The following PPRC1 variants were observed in gnomAD, a reference collection of about 807,000 sequenced individuals.
PPRC1 encodes the protein peroxisome proliferator-activated receptor gamma coactivator-related protein 1.
In PPRC1, 23 loss-of-function variants were observed where a neutral mutation model predicts 132.5. The observed-to-expected ratio is 0.17, with a 90% CI of 0.12 to 0.25. The LOEUF (loss-of-function observed/expected upper bound fraction) is 0.25, where lower values mean the gene tolerates loss of function less well. Ranked by LOEUF, PPRC1 falls within the 10% of genes least tolerant of loss-of-function variation. The probability of loss-of-function intolerance (pLI) is 1.00; values close to 1 mark genes in which losing one functional copy is unlikely to be tolerated. For synonymous variants in PPRC1, 872 were observed against 833.5 expected (o/e 1.05, Z -0.80); for missense variants, 2,006 against 2,089.1 (o/e 0.96, Z 0.78).
intron 6 of PPRC1, 101 bp from the exon 7 acceptor site, chr10:102,144,149 C>T: frequency 8.8e-7 from 1 of 1,130,224 alleles, no homozygotes; most frequent in East Asian, 2.3e-5. Context: ...AATATGTAGG[C>T]AAAGTGGATT....
At position 102,148,772 on chromosome 10, in the gene PPRC1, G is replaced by A. The variant is rs1226178907; in HGVS notation, c.4618-45G>A. ...GCTCAGAGAGCTGCCTGCAGCTGTA[G>A]CCCTGGCTAATGGTGTGTTGATTTT... On this transcript the variant is annotated intron_variant, in intron 11 of 13. Coordinates refer to ENST00000278070, the MANE Select transcript of PPRC1 (RefSeq NM_015062.5). This position sits in a 1 kb window ranked among gnomAD's most constrained non-coding sequence, Gnocchi z 4.2. The A allele has an allele frequency of 1.2e-5, 20 of 1,614,194 alleles. No homozygotes were observed. Among genetic ancestry groups the A allele is most frequent in the Non-Finnish European group, 1.7e-5 (20 of 1,180,022 alleles).
Position 102,140,191 on chromosome 10 carries a change from G to A in PPRC1, c.1683G>A (p.Leu561=). ...KEGPLDLYPK[L]ADTIQTNPIP... is the part of the protein sequence containing the mutation. ...GCCCTCTAGACCTCTACCCAAAGCT[G>A]GCTGACACTATCCAAACCAATCCTA... Residue 561 remains leucine, a synonymous_variant, in exon 5 of 14, where the codon CTG becomes CTA. Transcript: ENST00000278070. The A allele has an allele frequency of 1.2e-6, 2 of 1,614,202 alleles. No homozygotes were observed. The highest frequency in any genetic ancestry group is 1.7e-6 in the Non-Finnish European group (2 of 1,180,040).
At chr10:102,128,623 CT>C (rs1236327373), upstream of PPRC1, among the ~76,000 whole-genome samples, 19 of 130,828 alleles carry the variant, frequency 1.5e-4, no homozygotes, top group Non-Finnish European at 1.0e-4. Context: ...TTTTTTTTTT[CT>C]TTTTTTTTTT....
chr10:102,120,654 G>A, the PPRC1 span, among the ~76,000 whole-genome samples: 13 of 152,292 alleles, frequency 8.5e-5, no homozygotes, highest in Admixed American at 6.5e-5. Flanking sequence ...GGAACGGCAT[G>A]CATGTGACGC....
At chr10:102,125,500 C>T in the PPRC1 span, among the ~76,000 whole-genome samples, 8 of 151,992 alleles carry the variant, frequency 5.3e-5, no homozygotes, top group Admixed American at 4.6e-4. Context: ...CCTCATGATC[C>T]GCCTGCCTCA....
At position 102,139,371 on chromosome 10, in the gene PPRC1, C is replaced by T. The variant is rs749253343; in HGVS notation, c.863C>T (p.Thr288Ile). The T allele has an allele frequency of 2.5e-6, 4 of 1,614,232 alleles. No homozygotes were observed. The change falls in exon 5 of 14, where the codon ACA (threonine) becomes ATA (isoleucine). Residue 288 changes from threonine to isoleucine, a missense_variant. By Grantham distance (89) the Thr-to-Ile change is moderately conservative. Coordinates refer to ENST00000278070, the MANE Select transcript of PPRC1 (RefSeq NM_015062.5). ...LACPEEEDKATAAEMAVPAAG... is the reference protein window; with the variant it reads ...LACPEEEDKAIAAEMAVPAAG... ...TGCCCTGAGGAGGAAGATAAAGCAA[C>T]AGCAGCAGAGATGGCAGTGCCAGCA... is the stretch of plus-strand genomic sequence containing the variant.
Position 102,146,777 on chromosome 10 carries a change from C to T in PPRC1, c.3785C>T (p.Thr1262Ile), listed in dbSNP as rs1436621207. Reference sequence around the variant, plus strand: ...CCTAAGTCCACCGCCCAGGAGGGAACCCTGAAGCCTGAAGGAGTTACGGAG... The same window carrying T: ...CCTAAGTCCACCGCCCAGGAGGGAATCCTGAAGCCTGAAGGAGTTACGGAG... ...KSPKSTAQEG[T>I]LKPEGVTEAK... Residue 1262 changes from threonine to isoleucine, a missense_variant, in exon 9 of 14, where the codon ACC becomes ATC. This residue lies in a region of PPRC1 where 1,914 missense variants were observed against 1,917.2 expected (regional missense o/e 1.00). Coordinates refer to ENST00000278070, the MANE Select transcript of PPRC1 (RefSeq NM_015062.5). 6.2e-7 allele frequency: 1 copy of T among 1,614,094 alleles called. No homozygotes were observed.
upstream of PPRC1, among the ~76,000 whole-genome samples, chr10:102,132,123 C>T (rs771769329): frequency 6.6e-6 from 1 of 152,150 alleles, no homozygotes; most frequent in East Asian, 1.9e-4. Flanking sequence ...TAGAAAAAAG[C>T]GTCAATGAAT....
chr10:102,146,751 T>G lies in PPRC1; in HGVS notation c.3759T>G (p.Ser1253=). Residue 1253 remains serine (S), a synonymous_variant, in exon 9 of 14, where the codon TCT becomes TCG. Coordinates refer to ENST00000278070, the MANE Select transcript of PPRC1 (RefSeq NM_015062.5). The stretch of plus-strand genomic sequence containing the variant: ...TCTCACTGCTGGCCAAAGCCAAATC[T>G]CCTAAGTCCACCGCCCAGGAGGGAA... The part of the protein sequence containing the change: ...AAVSLLAKAK[S]PKSTAQEGTL... The G allele has an allele frequency of 6.2e-7, 1 of 1,613,722 alleles. No homozygotes were observed. The highest frequency in any genetic ancestry group is 8.5e-7 in the Non-Finnish European group (1 of 1,179,866).
At position 102,137,899 on chromosome 10, in the gene PPRC1, G is replaced by A. The variant is rs371087197; in HGVS notation, c.203G>A (p.Arg68Gln). ...GATTCTGGCTTTGTCAGTCTCTCTCGGCTGGGCCCATCTCTGAGGGACAAG... is the reference window on the plus strand; with the variant it reads ...GATTCTGGCTTTGTCAGTCTCTCTCAGCTGGGCCCATCTCTGAGGGACAAG... ...AGDSGFVSLSRLGPSLRDKDL... is the reference protein window; with the variant it reads ...AGDSGFVSLSQLGPSLRDKDL... Residue 68 changes from arginine to glutamine, a missense_variant, in exon 2 of 14, where the codon CGG becomes CAG. By Grantham distance (43) the Arg-to-Gln change is conservative (BLOSUM62 1). Transcript: ENST00000278070. The A allele has an allele frequency of 2.1e-5, 34 of 1,613,920 alleles. No individual in the cohort carries two copies. Among genetic ancestry groups the A allele is most frequent in the African/African-American group, 4.0e-5 (3 of 74,858 alleles).
In PPRC1 at chr10:102,148,029, A is replaced by G. The variant is rs950189467; in HGVS notation, c.4401-343A>G. Among the ~76,000 whole-genome samples the G allele has an allele frequency of 1.3e-5, 2 of 152,156 alleles. No homozygotes were observed. Among genetic ancestry groups the G allele is most frequent in the Admixed American group, 1.3e-4 (2 of 15,278 alleles). ...AAGACCCAGGCTTGGCCCCAGCACCACAGATAGCTGGGTGTGAGACCTAGG... is the reference window on the plus strand; with the variant it reads ...AAGACCCAGGCTTGGCCCCAGCACCGCAGATAGCTGGGTGTGAGACCTAGG... On this transcript the variant is annotated intron_variant, in intron 9 of 13. Coordinates refer to ENST00000278070, the MANE Select transcript of PPRC1 (RefSeq NM_015062.5). This position sits in a 1 kb window ranked among gnomAD's most constrained non-coding sequence, Gnocchi z 4.2.
At position 102,149,958 on chromosome 10, in the gene PPRC1, G is replaced by C; in HGVS notation, c.4924G>C (p.Val1642Leu). Residue 1642 changes from valine to leucine, a missense_variant, in exon 14 of 14, where the codon GTA (valine) becomes CTA (leucine). Val to Leu is a conservative substitution (Grantham distance 32, BLOSUM62 1). Coordinates refer to ENST00000278070, the MANE Select transcript of PPRC1 (RefSeq NM_015062.5). Reference sequence around the variant, plus strand: ...CCGGGAAGACTTTGACCCAGCACCTGTAAAGAGCAAATTTGATTCTCTTGA... The same window carrying C: ...CCGGGAAGACTTTGACCCAGCACCTCTAAAGAGCAAATTTGATTCTCTTGA... ...SNREDFDPAPVKSKFDSLDFD... is the reference protein window; with the variant it reads ...SNREDFDPAPLKSKFDSLDFD... 6.2e-7 allele frequency: 1 copy of C among 1,613,672 alleles called. No individual in the cohort carries two copies. Among genetic ancestry groups the C allele is most frequent in the Non-Finnish European group, 8.5e-7 (1 of 1,179,610 alleles).
chr10:102,150,043 C>A lies in PPRC1; in HGVS notation c.*14C>A. 3 of 1,584,608 alleles carry A rather than the reference C, an allele frequency of 1.9e-6. No individual in the cohort carries two copies. The highest frequency in any genetic ancestry group is 2.6e-6 in the Non-Finnish European group (3 of 1,153,192). ...CTCAGGAGGTAACCTTGGGCCCTTC[C>A]CTGCTATCCTTTTTCTCCTTTGGAG... On this transcript the variant is annotated 3_prime_UTR_variant, in exon 14 of 14. Coordinates refer to ENST00000278070, the MANE Select transcript of PPRC1 (RefSeq NM_015062.5).
intron 12 of PPRC1, 107 bp downstream of exon 12, chr10:102,149,045 C>T: frequency 6.5e-7 from 1 of 1,537,498 alleles, no homozygotes; most frequent in Non-Finnish European, 8.8e-7. Context: ...TATGGGGCAC[C>T]TTCATTTCTG....
In PPRC1 at chr10:102,146,961, C is replaced by T. The variant is rs1218045497; in HGVS notation, c.3969C>T (p.Val1323=). The change falls in exon 9 of 14, where the codon GTC becomes GTT. Residue 1323 remains valine, a synonymous_variant. Coordinates refer to ENST00000278070, the MANE Select transcript of PPRC1 (RefSeq NM_015062.5). ...VIPEVGSRWN[V]KRHQDITIKP... ...CAGAGGTGGGCTCCCGATGGAATGT[C>T]AAGCGCCATCAGGACATCACCATCA... 1.2e-6 allele frequency: 2 copies of T among 1,614,048 alleles called. No individual in the cohort carries two copies. The highest frequency in any genetic ancestry group is 1.7e-6 in the Non-Finnish European group (2 of 1,180,022).
In PPRC1 at chr10:102,133,256, A is replaced by G. The variant is rs2068587994; in HGVS notation, c.153+35A>G. On this transcript the variant is annotated intron_variant, in intron 1 of 13. Transcript: ENST00000278070. The stretch of plus-strand genomic sequence containing the variant: ...TGGCTGGCGGCCCGCGACAGGCAGC[A>G]AAGCGGTGTGTGCCGGGCGGTGACA... 5.5e-6 allele frequency: 7 copies of G among 1,261,518 alleles called. No homozygotes were observed. The South Asian group carries it at 2.7e-4, about 48-fold the overall frequency. The allele number at this position is 1,261,518 out of a possible 1,614,324, so 78.1% of individuals were successfully genotyped here. A position where few individuals can be genotyped will look rare whatever the true frequency, so the allele number is the denominator to read the frequency against.
chr10:102,127,750 C>G, the PPRC1 span, among the ~76,000 whole-genome samples: 2 of 152,010 alleles, frequency 1.3e-5, no homozygotes, highest in Non-Finnish European at 2.9e-5. Flanking sequence ...CGGGGTTTCA[C>G]CATGTTGCCC....
chr10:102,120,742 G>A, the PPRC1 span, among the ~76,000 whole-genome samples: 6 of 152,194 alleles, frequency 3.9e-5, no homozygotes, highest in Non-Finnish European at 7.3e-5. Context: ...GCAGCCGCGC[G>A]CTCGGTGTCC....
intron 5 of PPRC1, among the ~76,000 whole-genome samples, chr10:102,142,451 C>T (rs1345473429): frequency 9.6e-6 from 1 of 103,660 alleles, no homozygotes; most frequent in East Asian, 3.1e-4. Context: ...TGGAGTCTTC[C>T]TCTGTCGCCC....
Sources: gnomAD v4.1 joint callset for allele counts (sites outside exome capture counted in the v4.1 genomes callset) on GRCh38, gnomAD v4.1.1 for gene constraint, gnomAD v4.1.1 regional missense constraint, Gnocchi (gnomAD v3.1) non-coding constraint, MANE v1.5 for transcripts, NCBI Gene and HGNC (gene_info 2026-07-23, HGNC 2026-07-21) for gene names.